The following SPAG16 variants were observed in gnomAD, a reference collection of about 807,000 sequenced individuals.
SPAG16 encodes the protein sperm associated antigen 16.
Under a neutral mutation model 80.4 loss-of-function variants are expected in SPAG16, and 86 were observed. That is an observed-to-expected ratio of 1.07 (90% CI 0.90 to 1.28). The LOEUF (loss-of-function observed/expected upper bound fraction) is 1.28. SPAG16 is among the 50% of genes most tolerant of loss of function. The pLI is 0.00. For synonymous variants in SPAG16, 294 were observed against 265.9 expected (o/e 1.11, Z -1.03); for missense variants, 870 against 765.3 (o/e 1.14, Z -1.61).
intron 13 of SPAG16, among the ~76,000 whole-genome samples, chr2:214,021,063 C>A (rs887991211): frequency 6.6e-6 from 1 of 152,008 alleles, no homozygotes; most frequent in African/African-American, 2.4e-5. Flanking sequence ...TCACTGTTGG[C>A]AAATGCCTAT....
chr2:214,369,612 G>A (rs935044974), intron 15 of SPAG16, among the ~76,000 whole-genome samples: 2 of 151,626 alleles, frequency 1.3e-5, no homozygotes, highest in East Asian at 1.9e-4. Flanking sequence ...TTAGACATAT[G>A]CCCCCACACC....
intron 13 of SPAG16, among the ~76,000 whole-genome samples, chr2:214,043,599 T>A (rs1237630034): frequency 2.0e-5 from 3 of 152,186 alleles, no homozygotes; most frequent in African/African-American, 7.2e-5. Context: ...GGGAAAAAAC[T>A]CAGTCATATA....
intron 10 of SPAG16, among the ~76,000 whole-genome samples, chr2:213,528,133 G>T (rs1420969009): frequency 6.6e-6 from 1 of 152,122 alleles, no homozygotes; most frequent in Non-Finnish European, 1.5e-5. Flanking sequence ...ACAAACCTAT[G>T]TTTTCAACGG....
chr2:213,612,252 G>T (rs1178070020), intron 10 of SPAG16, among the ~76,000 whole-genome samples: 1 of 152,046 alleles, frequency 6.6e-6, no homozygotes, highest in Non-Finnish European at 1.5e-5. Context: ...AAACTAACAG[G>T]TGTTCAAATA....
At chr2:213,493,562 A>T (rs944067016) in intron 10 of SPAG16, among the ~76,000 whole-genome samples, 21 of 151,878 alleles carry the variant, frequency 1.4e-4, no homozygotes, top group African/African-American at 5.1e-4. Context: ...GACTGCCACT[A>T]GTTGTTTGTT....
intron 10 of SPAG16, among the ~76,000 whole-genome samples, chr2:213,639,200 T>A (rs1041593363): frequency 6.6e-6 from 1 of 152,216 alleles, no homozygotes; most frequent in Non-Finnish European, 1.5e-5. Context: ...ATTCTGCCAT[T>A]CTGTAGCTTT....
chr2:214,201,243 T>C (rs967985846), intron 15 of SPAG16, among the ~76,000 whole-genome samples: 1 of 152,154 alleles, frequency 6.6e-6, no homozygotes, highest in Non-Finnish European at 1.5e-5. Flanking sequence ...AAAATAGAGA[T>C]TCCTGACTAA....
intron 10 of SPAG16, among the ~76,000 whole-genome samples, chr2:213,636,441 A>C (rs1192844146): frequency 6.6e-6 from 1 of 151,850 alleles, no homozygotes; most frequent in East Asian, 1.9e-4. Flanking sequence ...GTGTGCACTC[A>C]TTTTTGGTTC....
At chr2:214,303,721 T>C (rs1694721405) in intron 15 of SPAG16, among the ~76,000 whole-genome samples, 1 of 152,214 alleles carries the variant, frequency 6.6e-6, no homozygotes, top group Non-Finnish European at 1.5e-5. Flanking sequence ...GATTTTCTTT[T>C]TCTTCTTCTC....
chr2:214,203,003 G>A (rs1352273948), intron 15 of SPAG16, among the ~76,000 whole-genome samples: 2 of 152,136 alleles, frequency 1.3e-5, no homozygotes, highest in East Asian at 1.9e-4. Flanking sequence ...AATCTCTCAC[G>A]AGGTGAAGTC....
At chr2:213,314,289 A>G (rs534419039) in intron 4 of SPAG16, among the ~76,000 whole-genome samples, 31 of 152,020 alleles carry the variant, frequency 2.0e-4, no homozygotes, top group South Asian at 6.2e-4. Context: ...TTATATTTCA[A>G]ATTTCTAATA....
intron 15 of SPAG16, among the ~76,000 whole-genome samples, chr2:214,285,271 T>G (rs77669679): frequency 0.056 from 8,481 of 152,290 alleles, 229 homozygotes; most frequent in Middle Eastern, 0.11. Flanking sequence ...TTTGCCTTCC[T>G]TGGAAAAGTA....
rs1027808080 is a variant in SPAG16 at position 213,499,313 on chromosome 2, A to G, written c.1070+9223A>G. On this transcript the variant is annotated intron_variant, in intron 10 of 15. Transcript: ENST00000331683. Reference sequence around the variant, plus strand: ...ACTAGGTACATAACATAGAAAATGCATAATACAGGGGTGCATAGAACAGAT... The same window carrying G: ...ACTAGGTACATAACATAGAAAATGCGTAATACAGGGGTGCATAGAACAGAT... Among the ~76,000 whole-genome samples, 3 of 152,302 alleles carry G rather than the reference A, an allele frequency of 2.0e-5. No individual in the cohort carries two copies. The South Asian group carries it at 6.2e-4, about 32-fold the overall frequency.
intron 15 of SPAG16, among the ~76,000 whole-genome samples, chr2:214,237,160 C>A (rs545031203): frequency 6.6e-6 from 1 of 152,086 alleles, no homozygotes; most frequent in African/African-American, 2.4e-5. Context: ...CTTGTTCAAT[C>A]ACATTGTTAT....
At chr2:214,252,606 C>T (rs1229410565) in intron 15 of SPAG16, among the ~76,000 whole-genome samples, 2 of 152,098 alleles carry the variant, frequency 1.3e-5, no homozygotes, top group African/African-American at 4.8e-5. Context: ...TCATCCATGT[C>T]CCTGCAAAGA....
At chr2:214,001,424 A>G (rs1425659292) in intron 12 of SPAG16, among the ~76,000 whole-genome samples, 2 of 152,248 alleles carry the variant, frequency 1.3e-5, no homozygotes, top group African/African-American at 2.4e-5. Flanking sequence ...GCACTGTATG[A>G]TTGAAACTAT....
intron 15 of SPAG16, among the ~76,000 whole-genome samples, chr2:214,363,986 A>G (rs1699328781): frequency 6.6e-6 from 1 of 152,072 alleles, no homozygotes; most frequent in Admixed American, 6.6e-5. Flanking sequence ...ATTTGACACA[A>G]GTGGCTCCGT....
intron 10 of SPAG16, among the ~76,000 whole-genome samples, chr2:213,530,219 G>A (rs185411694): frequency 1.3e-5 from 2 of 152,134 alleles, no homozygotes; most frequent in Non-Finnish European, 2.9e-5. Flanking sequence ...TATCATTACC[G>A]AGTATTATGT....
chr2:213,912,579 G>A, intron 11 of SPAG16, among the ~76,000 whole-genome samples: 1 of 152,172 alleles, frequency 6.6e-6, no homozygotes, highest in South Asian at 2.1e-4. Context: ...CATTTGACTT[G>A]TTTTGGCCAG....
Sources: allele counts gnomAD v4.1 joint callset (sites outside exome capture counted in the v4.1 genomes callset), GRCh38; gene constraint gnomAD v4.1.1; transcripts MANE v1.5; gene names NCBI Gene and HGNC (gene_info 2026-07-23, HGNC 2026-07-21).